TMEM163: variants seen among roughly 807,000 people sequenced by gnomAD.
TMEM163 encodes the protein transmembrane protein 163.
TMEM163 carries 17 observed loss-of-function variants against 29.3 expected under a neutral mutation model. The observed-to-expected ratio is 0.58, with a 90% CI of 0.40 to 0.87. TMEM163 has a LOEUF of 0.87. Ranked by LOEUF, TMEM163 falls within the 40% of genes least tolerant of loss-of-function variation. The pLI, the probability that TMEM163 is intolerant of heterozygous loss-of-function variation, is 0.00. For missense variants in TMEM163, 303 were observed against 381.5 expected (o/e 0.79, Z 1.71); for synonymous variants, 157 against 160.6 (o/e 0.98, Z 0.17).
intron 2 of TMEM163, among the ~76,000 whole-genome samples, chr2:134,556,599 C>T (rs1448963740): frequency 1.3e-5 from 2 of 152,102 alleles, no homozygotes; most frequent in Admixed American, 6.6e-5. Context: ...GCAGGAGCAT[C>T]GCTTGAGGCC....
chr2:134,680,505 G>A (rs1684206681), intron 2 of TMEM163, among the ~76,000 whole-genome samples: 1 of 152,104 alleles, frequency 6.6e-6, no homozygotes, highest in Admixed American at 6.6e-5. Flanking sequence ...TTGACTAAAT[G>A]TCCACCTCTC....
intron 2 of TMEM163, among the ~76,000 whole-genome samples, chr2:134,657,312 C>T (rs7422711): frequency 0.15 from 22,730 of 152,082 alleles, 2,502 homozygotes; most frequent in African/African-American, 0.31. Flanking sequence ...TTTTTCCTGA[C>T]TCAGTCTTGG....
intron 2 of TMEM163, among the ~76,000 whole-genome samples, chr2:134,665,641 A>G (rs1683857401): frequency 6.6e-6 from 1 of 152,184 alleles, no homozygotes; most frequent in Admixed American, 6.5e-5. Context: ...GTGAGTACAC[A>G]GCACACCCAC....
chr2:134,498,982 G>C (rs866732218), intron 5 of TMEM163, among the ~76,000 whole-genome samples: 33 of 152,340 alleles, frequency 2.2e-4, no homozygotes, highest in African/African-American at 7.7e-4. Flanking sequence ...GATCACTTCA[G>C]CTTTCAGAGC....
Position 134,662,198 on chromosome 2 carries a change from G to A in TMEM163, c.322+51002C>T, listed in dbSNP as rs180705239. On this transcript the variant is annotated intron_variant, in intron 2 of 7. Transcript: ENST00000281924. Reference sequence around the variant, plus strand: ...GATCCGCCCGCCTCAGCCTCCCAAAGTGCTGGGATTACAGGCGTGAGCCAC... The same window carrying A: ...GATCCGCCCGCCTCAGCCTCCCAAAATGCTGGGATTACAGGCGTGAGCCAC... Among the ~76,000 whole-genome samples the A allele has an allele frequency of 5.0e-3, 760 of 152,184 alleles. 8 individuals are homozygous for A. Among genetic ancestry groups the A allele is most frequent in the African/African-American group, 0.018 (727 of 41,522 alleles).
intron 2 of TMEM163, among the ~76,000 whole-genome samples, chr2:134,683,321 C>T (rs1170859316): frequency 1.3e-5 from 2 of 151,290 alleles, no homozygotes; most frequent in African/African-American, 2.4e-5. Context: ...CTATTGATAA[C>T]GGGGGGAAGC....
At chr2:134,533,190 A>G (rs1680452094) in intron 4 of TMEM163, among the ~76,000 whole-genome samples, 1 of 152,218 alleles carries the variant, frequency 6.6e-6, no homozygotes, top group Admixed American at 6.5e-5. Flanking sequence ...TGTTAAATAA[A>G]TTATGCTATA....
intron 4 of TMEM163, among the ~76,000 whole-genome samples, chr2:134,541,322 A>G (rs553766841): frequency 6.6e-6 from 1 of 152,366 alleles, no homozygotes; most frequent in South Asian, 2.1e-4. Context: ...TTGCTGATAA[A>G]AAGAATTATA....
chr2:134,617,944 C>T (rs141511673), intron 2 of TMEM163, among the ~76,000 whole-genome samples: 115 of 152,096 alleles, frequency 7.6e-4, no homozygotes, highest in Non-Finnish European at 2.4e-4. Flanking sequence ...GACCCCATCT[C>T]TACCAAAAAA....
Position 134,679,689 on chromosome 2 carries a change from T to C in TMEM163, c.322+33511A>G, listed in dbSNP as rs968306202. ...GGAAAGGACTTAAGATAGGGATAAC[T>C]AAACCCATTCTACAAATGACCAAAG... On this transcript the variant is annotated intron_variant, in intron 2 of 7. Coordinates refer to ENST00000281924, the MANE Select transcript of TMEM163 (RefSeq NM_030923.5). Among the ~76,000 whole-genome samples the C allele has an allele frequency of 2.0e-5, 3 of 152,324 alleles. No individual in the cohort carries two copies. In the South Asian group the frequency reaches 6.2e-4, roughly 32 times the overall value.
rs1044904294 is a variant in TMEM163, at chr2:134,695,688, C to A, written c.322+17512G>T. ...AGTTAAATTTTTTGAAGTTTCTATT[C>A]ATGGTTTGTGCTTTCTGTGTCTTAA... On this transcript the variant is annotated intron_variant, in intron 2 of 7. Transcript: ENST00000281924. 2.0e-5 allele frequency among the ~76,000 whole-genome samples: 3 copies of A among 152,206 alleles called. No homozygotes were observed. In the East Asian group the frequency reaches 5.8e-4, roughly 29 times the overall value.
At chr2:134,483,143 C>T (rs2106480181) in intron 5 of TMEM163, among the ~76,000 whole-genome samples, 1 of 152,282 alleles carries the variant, frequency 6.6e-6, no homozygotes, top group East Asian at 1.9e-4. Context: ...AAGACATAGC[C>T]CAGCTTCTGG....
intron 2 of TMEM163, among the ~76,000 whole-genome samples, chr2:134,561,371 T>C (rs1016834317): frequency 6.6e-5 from 9 of 136,444 alleles, no homozygotes; most frequent in Admixed American, 4.1e-4. Flanking sequence ...ACCCGGCTAA[T>C]TTTTTTGTAT....
At chr2:134,700,090 T>G (rs1451218325) in intron 2 of TMEM163, among the ~76,000 whole-genome samples, 1 of 152,228 alleles carries the variant, frequency 6.6e-6, no homozygotes, top group Non-Finnish European at 1.5e-5. Context: ...TTAATTCATT[T>G]ACACTTTTGA....
chr2:134,641,702 T>A (rs1683223591), intron 2 of TMEM163, among the ~76,000 whole-genome samples: 3 of 152,062 alleles, frequency 2.0e-5, no homozygotes, highest in Admixed American at 1.3e-4. Context: ...AAAAAATAGA[T>A]AATTAAATGG....
chr2:134,574,473 T>C lies in TMEM163; in HGVS notation c.323-22382A>G, dbSNP rs111826194. Among the ~76,000 whole-genome samples the C allele has an allele frequency of 9.7e-3, 1,482 of 152,096 alleles. 15 individuals carry two copies. The highest frequency in any genetic ancestry group is 0.025 in the South Asian group (119 of 4,814). ...TACTCGGAAGGCTAAGGCAGGAGAA[T>C]CGCTTGAGCCCAGGAGGTGCAGGTT... On this transcript the variant is annotated intron_variant, in intron 2 of 7. Coordinates refer to ENST00000281924, the MANE Select transcript of TMEM163 (RefSeq NM_030923.5).
At chr2:134,461,479 T>C (rs11904278) in intron 6 of TMEM163, among the ~76,000 whole-genome samples, 52,040 of 151,948 alleles carry the variant, frequency 0.34, 12,290 homozygotes, top group African/African-American at 0.66. Flanking sequence ...CCCCCAGTGC[T>C]CTCTCATGCT....
chr2:134,472,650 T>C (rs1686830940), intron 5 of TMEM163, among the ~76,000 whole-genome samples: 1 of 152,240 alleles, frequency 6.6e-6, no homozygotes, highest in South Asian at 2.1e-4. Context: ...ATATGGGCCA[T>C]TCATTACAGC....
intron 5 of TMEM163, among the ~76,000 whole-genome samples, chr2:134,499,667 C>T (rs757032439): frequency 6.6e-6 from 1 of 152,208 alleles, no homozygotes; most frequent in Non-Finnish European, 1.5e-5. Context: ...GAGAACCGTG[C>T]AGCGAAACTA....
Sources: gnomAD v4.1 joint callset for allele counts (sites outside exome capture counted in the v4.1 genomes callset) on GRCh38, gnomAD v4.1.1 for gene constraint, MANE v1.5 for transcripts, NCBI Gene and HGNC (gene_info 2026-07-23, HGNC 2026-07-21) for gene names.